The following TRAPPC10 variants were observed in gnomAD, a reference collection of about 807,000 sequenced individuals.
TRAPPC10 encodes the protein trafficking protein particle complex subunit 10.
Under a neutral mutation model 125.5 loss-of-function variants are expected in TRAPPC10, and 23 were observed. That is an observed-to-expected ratio of 0.18 (90% CI 0.13 to 0.26). TRAPPC10 has a LOEUF of 0.26. Ranked by LOEUF, TRAPPC10 falls within the 10% of genes least tolerant of loss-of-function variation. TRAPPC10 has a pLI of 1.00. For synonymous variants in TRAPPC10, 509 were observed against 518.0 expected, an observed-to-expected ratio of 0.98 and a Z score of 0.24; for missense variants, 1,123 against 1,308.4, an observed-to-expected ratio of 0.86 and a Z score of 2.19.
intron 1 of TRAPPC10, among the ~76,000 whole-genome samples, chr21:44,015,326 G>A (rs928688241): frequency 6.6e-6 from 1 of 152,188 alleles, no homozygotes; most frequent in Non-Finnish European, 1.5e-5. Context: ...CTGTGTATAT[G>A]TAGGGATAGA....
At chr21:44,077,572 A>G in intron 10 of TRAPPC10, 121 bp from the exon 11 acceptor site, 1 of 704,760 alleles carries the variant, frequency 1.4e-6, no homozygotes, top group Non-Finnish European at 2.3e-6. Context: ...GCGATGGAGC[A>G]AGACTCTGTC....
At chr21:44,080,375 A>T (rs1289706410) in intron 13 of TRAPPC10, among the ~76,000 whole-genome samples, 1 of 152,168 alleles carries the variant, frequency 6.6e-6, no homozygotes, top group Non-Finnish European at 1.5e-5. Flanking sequence ...TAAGGTTCTA[A>T]TATCATCTGC....
At chr21:44,013,697 T>A (rs2031461375) in intron 1 of TRAPPC10, among the ~76,000 whole-genome samples, 1 of 152,266 alleles carries the variant, frequency 6.6e-6, no homozygotes, top group Non-Finnish European at 1.5e-5. Flanking sequence ...TTCCTTTTGC[T>A]TTATTTTGTC....
At chr21:44,083,504 T>G (rs2037907862) in intron 14 of TRAPPC10, among the ~76,000 whole-genome samples, 1 of 152,246 alleles carries the variant, frequency 6.6e-6, no homozygotes, top group Non-Finnish European at 1.5e-5. Flanking sequence ...AAATTCTGAG[T>G]GAAGTTCTTA....
At chr21:44,045,821 G>C (rs1279612253) in intron 3 of TRAPPC10, among the ~76,000 whole-genome samples, 1 of 152,086 alleles carries the variant, frequency 6.6e-6, no homozygotes, top group Non-Finnish European at 1.5e-5. Flanking sequence ...CTCCCAAAGT[G>C]CTGGGATTAC....
Position 44,094,107 on chromosome 21 carries a change from G to A in TRAPPC10, c.3042G>A (p.Lys1014=), listed in dbSNP as rs1278617573. The stretch of plus-strand genomic sequence containing the variant: ...CGGTGTTCTTCGTCTGGGAACTCAA[G>A]TGGACAGAAGAGCCTCCCCCTTCTC... The part of the protein sequence containing the change: ...KQSVFFVWEL[K]WTEEPPPSLH... Residue 1014 remains lysine (K), a synonymous_variant, in exon 20 of 23, where the codon AAG becomes AAA. Transcript: ENST00000291574. The A allele has an allele frequency of 3.1e-6, 5 of 1,614,098 alleles. No individual in the cohort carries two copies. The East Asian group carries it at 1.1e-4, about 36-fold the overall frequency.
chr21:44,063,853 A>G lies in TRAPPC10; in HGVS notation c.1038+68A>G, dbSNP rs867386979. 7 of 1,550,938 alleles carry G rather than the reference A, an allele frequency of 4.5e-6. No individual in the cohort carries two copies. In the Admixed American group the frequency reaches 1.3e-4, roughly 30 times the overall value. On this transcript the variant is annotated intron_variant, in intron 7 of 22. Coordinates refer to ENST00000291574, the MANE Select transcript of TRAPPC10 (RefSeq NM_003274.5). The surrounding 1 kb of genome is among the most constrained non-coding windows in gnomAD (Gnocchi z 4.4). ...CCAGCAGAAATCTCTGAACCTTGAG[A>G]TCCCAGGCATTGAACTGTTTGTGCT...
At position 44,052,288 on chromosome 21, in the gene TRAPPC10, A is replaced by G. The variant is rs751475337; in HGVS notation, c.294A>G (p.Glu98=). The change falls in exon 4 of 23, where the codon GAA becomes GAG. Residue 98 remains glutamate (E), a synonymous_variant. Coordinates refer to ENST00000291574, the MANE Select transcript of TRAPPC10 (RefSeq NM_003274.5). ...GACTTGTTTGTTTTTAGGATACCGA[A>G]GTGTATAAAGCTACAGTAAAAGATG... The part of the protein sequence containing the change: ...HIYWTECCDT[E]VYKATVKDDL... The G allele has an allele frequency of 3.2e-6, 5 of 1,585,390 alleles. No homozygotes were observed. The highest frequency in any genetic ancestry group is 4.3e-6 in the Non-Finnish European group (5 of 1,170,272).
chr21:44,012,743 C>A (rs1241770662), intron 1 of TRAPPC10, among the ~76,000 whole-genome samples, 183 bp downstream of exon 1: 3 of 152,042 alleles, frequency 2.0e-5, no homozygotes, highest in Non-Finnish European at 2.9e-5. Context: ...GCCCTCTGAC[C>A]TTCCCGCCGG....
chr21:44,028,946 C>G (rs1184353740), intron 1 of TRAPPC10, among the ~76,000 whole-genome samples: 1 of 152,182 alleles, frequency 6.6e-6, no homozygotes, highest in Admixed American at 6.5e-5. Flanking sequence ...CAGTTCAGCC[C>G]GCAGAGCTCT....
intron 7 of TRAPPC10, among the ~76,000 whole-genome samples, chr21:44,070,266 C>G: frequency 6.6e-6 from 1 of 152,134 alleles, no homozygotes; most frequent in East Asian, 1.9e-4. Context: ...ATGGCACTTG[C>G]CATTGCTAAT....
chr21:44,084,225 A>G lies in TRAPPC10; in HGVS notation c.2342A>G (p.Tyr781Cys). The change falls in exon 15 of 23, where the codon TAC (tyrosine) becomes TGC (cysteine). Residue 781 changes from tyrosine to cysteine, a missense_variant. Physicochemically the swap from Tyr to Cys is radical, Grantham distance 194. This residue lies in a region of TRAPPC10 where 840 missense variants were observed against 902.0 expected (regional missense o/e 0.93). Coordinates refer to ENST00000291574, the MANE Select transcript of TRAPPC10 (RefSeq NM_003274.5). ...TACCCCATTGTGCAGTACGACGTGT[A>G]CTCACAGGAGCCCCAGCTGCACGTG... ...HIYPIVQYDV[Y>C]SQEPQLHVEP... is the part of the protein sequence containing the mutation. The G allele has an allele frequency of 4.3e-6, 7 of 1,613,958 alleles. No individual in the cohort carries two copies. The highest frequency in any genetic ancestry group is 5.9e-6 in the Non-Finnish European group (7 of 1,179,954).
At chr21:44,022,475 T>TTTTTTTTC (rs2032626708) in intron 1 of TRAPPC10, among the ~76,000 whole-genome samples, 2 of 143,466 alleles carry the variant, frequency 1.4e-5, no homozygotes, top group African/African-American at 5.1e-5. Context: ...TTTTTTTTTT[T>TTTTTTTTC]ACAAAGACGG....
chr21:44,024,599 A>G (rs2032876109), intron 1 of TRAPPC10, among the ~76,000 whole-genome samples: 1 of 152,204 alleles, frequency 6.6e-6, no homozygotes, highest in African/African-American at 2.4e-5. Context: ...TGAACAGTCA[A>G]ATTACTGTAG....
intron 1 of TRAPPC10, among the ~76,000 whole-genome samples, chr21:44,021,726 A>G (rs917783126): frequency 3.3e-5 from 5 of 152,204 alleles, no homozygotes; most frequent in Non-Finnish European, 5.9e-5. Context: ...GAGAAGTACC[A>G]GGGCTAGATG....
In TRAPPC10 at chr21:44,087,059, G is replaced by A. The variant is rs781031814; in HGVS notation, c.2539+99G>A. ...TGGCCTTGCTGCCATCCTGCTGAGC[G>A]CCCCTCAACAGTGTCTGGAGTCCGT... is the stretch of plus-strand genomic sequence containing the variant. On this transcript the variant is annotated intron_variant, in intron 16 of 22. Coordinates refer to ENST00000291574, the MANE Select transcript of TRAPPC10 (RefSeq NM_003274.5). The surrounding 1 kb of genome is among the most constrained non-coding windows in gnomAD (Gnocchi z 4.6). 20 of 1,405,198 alleles carry A rather than the reference G, an allele frequency of 1.4e-5. No individual in the cohort carries two copies. The highest frequency in any genetic ancestry group is 4.3e-5 in the African/African-American group (3 of 70,322). The allele number at this position is 1,405,198 out of a possible 1,614,324, so 87.0% of individuals were successfully genotyped here.
intron 18 of TRAPPC10, 90 bp downstream of exon 18, chr21:44,090,023 G>A: frequency 1.1e-6 from 1 of 928,772 alleles, no homozygotes; most frequent in Non-Finnish European, 1.7e-6. Context: ...CCTTCGTGGT[G>A]ACCAAGGATG....
chr21:44,017,252 T>C (rs2031971841), intron 1 of TRAPPC10, among the ~76,000 whole-genome samples: 1 of 152,192 alleles, frequency 6.6e-6, no homozygotes, highest in African/African-American at 2.4e-5. Context: ...TACTATGTCA[T>C]TTCTACCCGA....
At chr21:44,046,500 C>A in intron 3 of TRAPPC10, 1 of 215,924 alleles carries the variant, frequency 4.6e-6, no homozygotes. Flanking sequence ...CACGCTTTAC[C>A]TTTAAGTTTT....
Sources: allele counts gnomAD v4.1 joint callset (sites outside exome capture counted in the v4.1 genomes callset), GRCh38; gene constraint gnomAD v4.1.1; regional missense constraint gnomAD v4.1.1; non-coding constraint Gnocchi (gnomAD v3.1); transcripts MANE v1.5; gene names NCBI Gene and HGNC (gene_info 2026-07-23, HGNC 2026-07-21).